LPAR1: variants seen among roughly 807,000 people sequenced by gnomAD.
The protein encoded by LPAR1 is lysophosphatidic acid receptor 1, also known as LPA receptor 1.
In LPAR1, 5 loss-of-function variants were observed where a neutral mutation model predicts 23.8. The ratio of observed to expected loss-of-function variants is 0.21; its 90% confidence interval spans 0.11 to 0.44. The LOEUF is 0.44. Among genes scored for constraint, LPAR1 ranks in the 20% least tolerant of loss-of-function variants. The pLI, the probability that LPAR1 is intolerant of heterozygous loss-of-function variation, is 0.99. For synonymous variants in LPAR1, 160 were observed against 164.7 expected, an observed-to-expected ratio of 0.97 and a Z score of 0.22; for missense variants, 311 against 482.8, an observed-to-expected ratio of 0.64 and a Z score of 3.33.
At chr9:110,889,661 TAAC>T (rs1220926462) in intron 5 of LPAR1, among the ~76,000 whole-genome samples, 2 of 152,222 alleles carry the variant, frequency 1.3e-5, no homozygotes, top group African/African-American at 4.8e-5. Context: ...CAACTGTTAA[TAAC>T]AACAGGATAC....
At chr9:110,950,604 A>G (rs1227278969) in intron 4 of LPAR1, among the ~76,000 whole-genome samples, 5 of 152,134 alleles carry the variant, frequency 3.3e-5, no homozygotes, top group African/African-American at 1.2e-4. Flanking sequence ...TGAATTAATC[A>G]TCAAGCCATA....
chr9:110,890,915 G>C (rs1008081392), intron 5 of LPAR1, among the ~76,000 whole-genome samples: 4 of 151,366 alleles, frequency 2.6e-5, no homozygotes, highest in Non-Finnish European at 5.9e-5. Context: ...ATAATTACAA[G>C]TACAACACTT....
intron 5 of LPAR1, among the ~76,000 whole-genome samples, chr9:110,916,583 G>A (rs1277708584): frequency 9.4e-6 from 1 of 105,854 alleles, no homozygotes; most frequent in African/African-American, 3.8e-5. Context: ...GGATCACTCA[G>A]ACCCTCCGTA....
chr9:110,894,403 T>C (rs2085567151), intron 5 of LPAR1, among the ~76,000 whole-genome samples: 1 of 152,218 alleles, frequency 6.6e-6, no homozygotes, highest in South Asian at 2.1e-4. Context: ...TTCAGCACTA[T>C]TGTGAGGACT....
intron 5 of LPAR1, among the ~76,000 whole-genome samples, chr9:110,916,852 A>C (rs1252111201): frequency 6.6e-6 from 1 of 152,102 alleles, no homozygotes. Context: ...AAATAACTGT[A>C]ACAATATGCA....
intron 2 of LPAR1, among the ~76,000 whole-genome samples, chr9:110,983,530 C>A (rs751044382): frequency 6.6e-6 from 1 of 151,836 alleles, no homozygotes; most frequent in African/African-American, 2.4e-5. Context: ...GTAATGGGTA[C>A]GGGGTTTCAG....
At chr9:110,917,915 T>C (rs1046786599) in intron 5 of LPAR1, among the ~76,000 whole-genome samples, 8 of 152,080 alleles carry the variant, frequency 5.3e-5, no homozygotes, top group African/African-American at 1.9e-4. Context: ...TTAAATACTT[T>C]GTTTTGAGAC....
intron 5 of LPAR1, among the ~76,000 whole-genome samples, chr9:110,915,034 G>C (rs552067641): frequency 6.6e-6 from 1 of 152,110 alleles, no homozygotes; most frequent in South Asian, 2.1e-4. Context: ...GCATGCACTT[G>C]CAGTCTAGGA....
At chr9:111,016,166 C>T (rs2097440877) in intron 2 of LPAR1, among the ~76,000 whole-genome samples, 1 of 152,074 alleles carries the variant, frequency 6.6e-6, no homozygotes, top group South Asian at 2.1e-4. Context: ...TTTATGGGTC[C>T]TATTCCCCAC....
rs1055202788 is a variant in LPAR1 at position 110,906,533 on chromosome 9, C to A, written c.794-30811G>T. 4.6e-5 allele frequency among the ~76,000 whole-genome samples: 7 copies of A among 152,066 alleles called. 1 individual carries two copies. Among genetic ancestry groups the A allele is most frequent in the South Asian group, 4.1e-4 (2 of 4,832 alleles). ...AACCCAACACATGCCAAAATGGTCA[C>A]CTCAAAATATTATCTAATAAAAGTA... On this transcript the variant is annotated intron_variant, in intron 5 of 5. Coordinates refer to ENST00000683809, the MANE Select transcript of LPAR1 (RefSeq NM_001351411.2).
chr9:110,935,020 T>C (rs1334088890), intron 5 of LPAR1, among the ~76,000 whole-genome samples: 1 of 152,200 alleles, frequency 6.6e-6, no homozygotes, highest in Non-Finnish European at 1.5e-5. Flanking sequence ...TCAGATAACT[T>C]TTTTCAAGGT....
intron 4 of LPAR1, among the ~76,000 whole-genome samples, chr9:110,953,057 T>G (rs1403900539): frequency 6.6e-6 from 1 of 152,248 alleles, no homozygotes; most frequent in Middle Eastern, 3.4e-3. Context: ...GCAGCCACTG[T>G]CAACACAGTA....
intron 2 of LPAR1, among the ~76,000 whole-genome samples, chr9:111,021,214 C>T (rs896485991): frequency 2.6e-5 from 4 of 152,128 alleles, no homozygotes; most frequent in Non-Finnish European, 2.9e-5. Flanking sequence ...TAACGTACAG[C>T]ATGGTGACGA....
At chr9:111,017,350 C>T (rs2097471737) in intron 2 of LPAR1, among the ~76,000 whole-genome samples, 1 of 152,102 alleles carries the variant, frequency 6.6e-6, no homozygotes, top group Non-Finnish European at 1.5e-5. Context: ...AGTTCCCATC[C>T]CTCGAGTCTG....
chr9:111,006,364 C>T (rs965401922), intron 2 of LPAR1, among the ~76,000 whole-genome samples: 1 of 152,142 alleles, frequency 6.6e-6, no homozygotes, highest in African/African-American at 2.4e-5. Context: ...AAGAAACATA[C>T]AAAATGTTGG....
intron 2 of LPAR1, among the ~76,000 whole-genome samples, chr9:111,034,670 T>C (rs965686623): frequency 6.6e-6 from 1 of 152,202 alleles, no homozygotes; most frequent in Non-Finnish European, 1.5e-5. Context: ...TTACACGGAT[T>C]GTAATGGAAT....
At chr9:110,947,334 A>AT (rs2095417957) in intron 4 of LPAR1, among the ~76,000 whole-genome samples, 1 of 152,238 alleles carries the variant, frequency 6.6e-6, no homozygotes, top group African/African-American at 2.4e-5. Flanking sequence ...AAACATAAAT[A>AT]AGATAGCATT....
chr9:110,972,434 T>G (rs1273144736), intron 3 of LPAR1, among the ~76,000 whole-genome samples: 1 of 152,144 alleles, frequency 6.6e-6, no homozygotes, highest in Non-Finnish European at 1.5e-5. Context: ...TTTTCATAGG[T>G]TTGAATCCAA....
chr9:111,009,741 G>A (rs2097291255), intron 2 of LPAR1, among the ~76,000 whole-genome samples: 1 of 151,578 alleles, frequency 6.6e-6, no homozygotes, highest in Admixed American at 6.6e-5. Flanking sequence ...TACCAATACT[G>A]TTAACAGCTG....
Sources: gnomAD v4.1 joint callset for allele counts (sites outside exome capture counted in the v4.1 genomes callset) on GRCh38, gnomAD v4.1.1 for gene constraint, MANE v1.5 for transcripts, NCBI Gene and HGNC (gene_info 2026-07-23, HGNC 2026-07-21) for gene names.